Variants in RTRAF observed in about 807,000 individuals in gnomAD.
RTRAF encodes RNA transcription, translation and transport factor.
In RTRAF, 14 loss-of-function variants were observed where a neutral mutation model predicts 34.4. That is an observed-to-expected ratio of 0.41 (90% CI 0.27 to 0.64). RTRAF has a LOEUF of 0.64. Ranked by LOEUF, RTRAF falls within the 30% of genes least tolerant of loss-of-function variation. The probability of loss-of-function intolerance (pLI) is 0.34; values close to 1 mark genes in which losing one functional copy is unlikely to be tolerated. For missense variants in RTRAF, 291 were observed against 288.4 expected (o/e 1.01, Z -0.06); for synonymous variants, 96 against 95.3 (o/e 1.01, Z -0.04).
intron 4 of RTRAF, 63 bp downstream of exon 4, chr14:51,998,643 TTGAAGAA>T: frequency 9.0e-7 from 1 of 1,111,088 alleles, no homozygotes; most frequent in Non-Finnish European, 1.3e-6. Context: ...GTTTTTTTCT[TTGAAGAA>T]TGAAGTCCAG....
rs775859903 is a variant in RTRAF, at chr14:52,005,487, T to TA, written c.*972dup. ...AAGTCTTCCTTTACATTACTGTACT[T>TA]ACTTTCTTCCTGTGAGAGAAGAGCA... On this transcript the variant is annotated 3_prime_UTR_variant, in exon 8 of 8. Transcript: ENST00000261700. 2.5e-5 allele frequency: 40 copies of TA among 1,598,044 alleles called. 1 individual carries two copies. The highest frequency in any genetic ancestry group is 3.3e-5 in the Non-Finnish European group (39 of 1,173,972).
chr14:51,990,105 A>G (rs1890404502), intron 1 of RTRAF, among the ~76,000 whole-genome samples: 1 of 152,100 alleles, frequency 6.6e-6, no homozygotes. Context: ...TAACTTGAAG[A>G]CTAGTTCACT....
rs776673650 is a variant in RTRAF, at chr14:51,999,897, AC to A, written c.462+102del. ...TTGATATTAAAATTATGGTTGAATG[AC>A]TAAAATACACAGAAGAATATGAAAC... On this transcript the variant is annotated intron_variant, in intron 5 of 7. Coordinates refer to ENST00000261700, the MANE Select transcript of RTRAF (RefSeq NM_016039.3). The A allele has an allele frequency of 4.3e-5, 32 of 742,614 alleles. 1 individual carries two copies. Among genetic ancestry groups the A allele is most frequent in the East Asian group, 2.7e-4 (10 of 36,660 alleles). The allele number at this position is 742,614 out of a possible 1,614,324, so 46.0% of individuals were successfully genotyped here.
chr14:52,009,455 G>A lies in RTRAF; in HGVS notation c.*4939G>A, dbSNP rs1890923660. Reference sequence around the variant, plus strand: ...CAACCATTCTGTTACGCAGTTGAAGGAGATGTAATTACATGTGTTATATTG... The same window carrying A: ...CAACCATTCTGTTACGCAGTTGAAGAAGATGTAATTACATGTGTTATATTG... On this transcript the variant is annotated 3_prime_UTR_variant, in exon 8 of 8. Transcript: ENST00000261700. 6.6e-6 allele frequency: 1 copy of A among 152,186 alleles called. No homozygotes were observed. Among genetic ancestry groups the A allele is most frequent in the Admixed American group, 6.5e-5 (1 of 15,278 alleles). 9.4% of individuals were successfully genotyped at this position (152,186 alleles called of 1,614,324 possible). A position where few individuals can be genotyped will look rare whatever the true frequency, so the allele number is the denominator to read the frequency against.
chr14:52,004,144 A>G (rs1367870396), intron 6 of RTRAF, 50 bp from the exon 7 acceptor site: 1 of 1,488,370 alleles, frequency 6.7e-7, no homozygotes. Flanking sequence ...TGAGGAAAGG[A>G]TGCTATTCTT....
At chr14:51,999,467 T>A (rs1287997218) in intron 4 of RTRAF, 1 of 357,932 alleles carries the variant, frequency 2.8e-6, no homozygotes, top group African/African-American at 2.1e-5. Context: ...AAATTACAAG[T>A]CTAACCATCC....
chr14:52,004,194 G>T lies in RTRAF; in HGVS notation c.532G>T (p.Gly178Cys). 1 of 1,611,802 alleles carries T rather than the reference G, an allele frequency of 6.2e-7. No homozygotes were observed. Among genetic ancestry groups the T allele is most frequent in the South Asian group, 1.1e-5 (1 of 90,826 alleles). The part of the protein sequence containing the change: ...AVAKANQTKE[G>C]LPVALDKHIL... ...TCATTTTGTCTTTCTTTTTTTAAAG[G>T]GCTTACCTGTTGCTTTAGACAAACA... is the stretch of plus-strand genomic sequence containing the variant. The change falls in exon 7 of 8, where the codon GGC becomes TGC. Residue 178 changes from glycine to cysteine, a missense_variant and splice_region_variant. Physicochemically the swap from Gly to Cys is radical, Grantham distance 159. Transcript: ENST00000261700.
In RTRAF at chr14:52,007,418, C is replaced by T. The variant is rs1890827965; in HGVS notation, c.*2902C>T. The T allele has an allele frequency of 4.8e-6, 1 of 206,416 alleles. No individual in the cohort carries two copies. The highest frequency in any genetic ancestry group is 5.8e-5 in the Admixed American group (1 of 17,318). The allele number at this position is 206,416 out of a possible 1,614,324, so 12.8% of individuals were successfully genotyped here. ...CCCATGTTATTACTGAAGGAAGCTA[C>T]CCTGCTACAATGCTTTCCAAAGAAT... On this transcript the variant is annotated 3_prime_UTR_variant, in exon 8 of 8. Coordinates refer to ENST00000261700, the MANE Select transcript of RTRAF (RefSeq NM_016039.3).
chr14:52,005,572 C>T lies in RTRAF; in HGVS notation c.*1056C>T. 6.5e-7 allele frequency: 1 copy of T among 1,533,352 alleles called. No individual in the cohort carries two copies. Among genetic ancestry groups the T allele is most frequent in the Non-Finnish European group, 8.9e-7 (1 of 1,123,110 alleles). The allele number at this position is 1,533,352 out of a possible 1,614,324, so 95.0% of individuals were successfully genotyped here. A position where few individuals can be genotyped will look rare whatever the true frequency, so the allele number is the denominator to read the frequency against. On this transcript the variant is annotated 3_prime_UTR_variant, in exon 8 of 8. Coordinates refer to ENST00000261700, the MANE Select transcript of RTRAF (RefSeq NM_016039.3). ...ACCAAGTTGCAACAGCAAGTCTTTG[C>T]ATTTTGTGTATAAACTAGGTAGATT...
chr14:52,006,075 A>T lies in RTRAF; in HGVS notation c.*1559A>T. The T allele has an allele frequency of 1.9e-6, 1 of 532,288 alleles. No individual in the cohort carries two copies. Among genetic ancestry groups the T allele is most frequent in the Non-Finnish European group, 3.4e-6 (1 of 293,520 alleles). The allele number at this position is 532,288 out of a possible 1,614,324, so 33.0% of individuals were successfully genotyped here. ...TGATGAGCTATCAAATCAGAGTTGTAGGGCATGGTGTAAAGGGCTTAGACT... is the reference window on the plus strand; with the variant it reads ...TGATGAGCTATCAAATCAGAGTTGTTGGGCATGGTGTAAAGGGCTTAGACT... On this transcript the variant is annotated 3_prime_UTR_variant, in exon 8 of 8. Transcript: ENST00000261700.
At chr14:52,001,645 GTTTTT>G (rs779354510) in intron 5 of RTRAF, among the ~76,000 whole-genome samples, 148 bp from the exon 6 acceptor site, 1 of 151,828 alleles carries the variant, frequency 6.6e-6, no homozygotes, top group Non-Finnish European at 1.5e-5. Flanking sequence ...ATATTAGTGG[GTTTTT>G]TTTATTTTTA....
chr14:52,004,755 A>G lies in RTRAF; in HGVS notation c.*239A>G. 2 of 377,574 alleles carry G rather than the reference A, an allele frequency of 5.3e-6. No homozygotes were observed. The highest frequency in any genetic ancestry group is 7.0e-5 in the South Asian group (1 of 14,204). 23.4% of individuals were successfully genotyped at this position (377,574 alleles called of 1,614,324 possible). ...CCTTTCTCCTTTGTGGTTAAGGCAT[A>G]TATGCCAACCCCCAGCTTTGTCCTA... is the stretch of plus-strand genomic sequence containing the variant. On this transcript the variant is annotated 3_prime_UTR_variant, in exon 8 of 8. Transcript: ENST00000261700.
In RTRAF at chr14:51,989,676, A is replaced by C; in HGVS notation, c.37A>C (p.Asn13His). ...CAAGTTGACGGCTCTCGACTACCAC[A>C]ACCCCGCCGGCTTCAACTGCAAAGG... ...RRKLTALDYH[N>H]PAGFNCKDET... The change falls in exon 1 of 8, where the codon AAC becomes CAC. Residue 13 changes from asparagine (N) to histidine (H), a missense_variant. Asn to His is a moderately conservative substitution (Grantham distance 68). Transcript: ENST00000261700. 6.2e-7 allele frequency: 1 copy of C among 1,605,346 alleles called. No homozygotes were observed. Among genetic ancestry groups the C allele is most frequent in the South Asian group, 1.1e-5 (1 of 89,570 alleles).
chr14:51,991,589 A>C (rs1890435892), intron 2 of RTRAF, 148 bp downstream of exon 2: 1 of 893,650 alleles, frequency 1.1e-6, no homozygotes. Context: ...CTTTTTTCTT[A>C]GATGTGTCTT....
At position 52,004,680 on chromosome 14, in the gene RTRAF, A is replaced by AATTGGGTAT; in HGVS notation, c.*164_*165insATTGGGTAT. Reference sequence around the variant, plus strand: ...TGCTTATTGCTTTTTTCTTTAATAAAGTTTAGGAAAGTAGAATTTTTATTA... The same window carrying AATTGGGTAT: ...TGCTTATTGCTTTTTTCTTTAATAAAATTGGGTATGTTTAGGAAAGTAGAATTTTTATTA... On this transcript the variant is annotated 3_prime_UTR_variant, in exon 8 of 8. Transcript: ENST00000261700. 1 of 612,528 alleles carries AATTGGGTAT rather than the reference A, an allele frequency of 1.6e-6. No homozygotes were observed. Among genetic ancestry groups the AATTGGGTAT allele is most frequent in the Non-Finnish European group, 2.7e-6 (1 of 370,794 alleles). The allele number at this position is 612,528 out of a possible 1,614,324, so 37.9% of individuals were successfully genotyped here. A position where few individuals can be genotyped will look rare whatever the true frequency, so the allele number is the denominator to read the frequency against.
intron 3 of RTRAF, among the ~76,000 whole-genome samples, chr14:51,996,718 A>G (rs1890527008): frequency 6.6e-6 from 1 of 152,016 alleles, no homozygotes; most frequent in Non-Finnish European, 1.5e-5. Context: ...ACTTTGTCTT[A>G]TATAACCACA....
rs979700821 is a variant in RTRAF, at chr14:52,005,024, A to T, written c.*508A>T. 1 of 157,556 alleles carries T rather than the reference A, an allele frequency of 6.3e-6. No homozygotes were observed. The highest frequency in any genetic ancestry group is 2.4e-5 in the African/African-American group (1 of 41,602). The allele number at this position is 157,556 out of a possible 1,614,324, so 9.8% of individuals were successfully genotyped here. ...CTTAGAACTTTTGTTGGGAAACTATAAATAATTGGTCCTTTCCCATCAGTT... is the reference window on the plus strand; with the variant it reads ...CTTAGAACTTTTGTTGGGAAACTATTAATAATTGGTCCTTTCCCATCAGTT... On this transcript the variant is annotated 3_prime_UTR_variant, in exon 8 of 8. Transcript: ENST00000261700.
In RTRAF at chr14:52,005,948, G is replaced by A. The variant is rs1475603279; in HGVS notation, c.*1432G>A. ...TCAGTTGCAATAGAGGAAAATTTCTGGCAGCCTTCTCTGTCCCAGGGCTGG... is the reference window on the plus strand; with the variant it reads ...TCAGTTGCAATAGAGGAAAATTTCTAGCAGCCTTCTCTGTCCCAGGGCTGG... On this transcript the variant is annotated 3_prime_UTR_variant, in exon 8 of 8. Coordinates refer to ENST00000261700, the MANE Select transcript of RTRAF (RefSeq NM_016039.3). 8.3e-6 allele frequency: 7 copies of A among 839,532 alleles called. No individual in the cohort carries two copies. The highest frequency in any genetic ancestry group is 3.0e-4 in the Middle Eastern group (1 of 3,356). 52.0% of individuals were successfully genotyped at this position (839,532 alleles called of 1,614,324 possible). A position where few individuals can be genotyped will look rare whatever the true frequency, so the allele number is the denominator to read the frequency against.
chr14:51,990,581 A>C (rs1404177383), intron 1 of RTRAF, among the ~76,000 whole-genome samples: 1 of 152,232 alleles, frequency 6.6e-6, no homozygotes, highest in Non-Finnish European at 1.5e-5. Context: ...GAAGCATATC[A>C]AATTATAATC....
Sources: gnomAD v4.1 joint callset for allele counts (sites outside exome capture counted in the v4.1 genomes callset) on GRCh38, gnomAD v4.1.1 for gene constraint, MANE v1.5 for transcripts, NCBI Gene and HGNC (gene_info 2026-07-23, HGNC 2026-07-21) for gene names.